FAM13A: variants seen among roughly 807,000 people sequenced by gnomAD.
FAM13A encodes family with sequence similarity 13 member A.
FAM13A carries 76 observed loss-of-function variants against 129.6 expected under a neutral mutation model. The observed-to-expected ratio is 0.59, with a 90% CI of 0.49 to 0.71. The LOEUF is 0.71. FAM13A is among the 30% of genes least tolerant of loss of function. FAM13A has a pLI of 0.00. For missense variants in FAM13A, 1,108 were observed against 1,249.3 expected (o/e 0.89, Z 1.70); for synonymous variants, 443 against 449.9 (o/e 0.98, Z 0.20).
At chr4:89,008,001 C>T (rs77607497) in intron 3 of FAM13A, among the ~76,000 whole-genome samples, 6 of 33,154 alleles carry the variant, frequency 1.8e-4, no homozygotes, top group African/African-American at 4.1e-4. Flanking sequence ...TCATTTTTTT[C>T]CACAGCATTT....
At chr4:88,886,721 A>G (rs1744479220) in intron 6 of FAM13A, among the ~76,000 whole-genome samples, 1 of 152,160 alleles carries the variant, frequency 6.6e-6, no homozygotes. Context: ...AGCCTGGCCA[A>G]CATGGTGAAA....
chr4:88,953,910 C>A (rs1010589953), intron 4 of FAM13A, among the ~76,000 whole-genome samples: 1 of 152,016 alleles, frequency 6.6e-6, no homozygotes, highest in African/African-American at 2.4e-5. Flanking sequence ...TCTTCTTGTA[C>A]GTATTTTTAA....
chr4:88,891,596 T>A lies in FAM13A; in HGVS notation c.843+14783A>T, dbSNP rs111930578. On this transcript the variant is annotated intron_variant, in intron 6 of 23. Coordinates refer to ENST00000264344, the MANE Select transcript of FAM13A (RefSeq NM_014883.4). ...AACCCATAAGATATTTAAAAATATG[T>A]ATCCAGGCCAGGTTGAGAACTGGTT... Among the ~76,000 whole-genome samples the A allele has an allele frequency of 3.8e-3, 583 of 152,324 alleles. 3 individuals are homozygous for A. The highest frequency in any genetic ancestry group is 0.014 in the African/African-American group (564 of 41,566).
In FAM13A at chr4:88,747,750, C is replaced by T. The variant is rs1279895809; in HGVS notation, c.2263G>A (p.Glu755Lys). The T allele has an allele frequency of 6.2e-7, 1 of 1,614,226 alleles. No individual in the cohort carries two copies. The change falls in exon 18 of 24, where the codon GAG becomes AAG. Residue 755 changes from glutamate (E) to lysine (K), a missense_variant. Physicochemically the swap from Glu to Lys is moderately conservative, Grantham distance 56. Around this residue, in one of 3 missense-constraint regions of FAM13A, gnomAD observed 529 missense variants for 621.2 expected, o/e 0.85. Transcript: ENST00000264344. ...SFGSQLEKEDEKKQELVDKAI... is the reference protein window; with the variant it reads ...SFGSQLEKEDKKKQELVDKAI... ...TTATCCACCAGCTCTTGCTTCTTCT[C>T]ATCTTCTTTCTCAAGTTGGGAACCA...
intron 1 of FAM13A, among the ~76,000 whole-genome samples, chr4:89,034,299 T>C (rs1769078270): frequency 6.6e-6 from 1 of 151,994 alleles, no homozygotes; most frequent in East Asian, 1.9e-4. Context: ...CTAAGACATA[T>C]AAGCAGCCAA....
chr4:88,893,942 G>C (rs1417702221), intron 6 of FAM13A, among the ~76,000 whole-genome samples: 1 of 152,164 alleles, frequency 6.6e-6, no homozygotes, highest in Non-Finnish European at 1.5e-5. Flanking sequence ...ACTGCAAAGG[G>C]GCTGGGAAAC....
intron 7 of FAM13A, among the ~76,000 whole-genome samples, chr4:88,826,864 C>T (rs933235005): frequency 2.6e-4 from 39 of 152,190 alleles, no homozygotes; most frequent in Non-Finnish European, 5.9e-5. Context: ...GTCTCTCCTA[C>T]ATCTTGAATC....
chr4:88,946,000 A>ATGTATGTG (rs1406943750), intron 4 of FAM13A, among the ~76,000 whole-genome samples: 1 of 72,534 alleles, frequency 1.4e-5, no homozygotes, highest in Non-Finnish European at 3.2e-5. Context: ...GTATATATAT[A>ATGTATGTG]TATATATATA....
At chr4:88,757,492 T>C (rs879533444) in intron 14 of FAM13A, among the ~76,000 whole-genome samples, 1 of 152,194 alleles carries the variant, frequency 6.6e-6, no homozygotes, top group African/African-American at 2.4e-5. Context: ...AAAACTAACA[T>C]GATTATTTCA....
chr4:89,037,729 G>A (rs1448085805), intron 1 of FAM13A, among the ~76,000 whole-genome samples: 1 of 152,178 alleles, frequency 6.6e-6, no homozygotes, highest in Non-Finnish European at 1.5e-5. Flanking sequence ...GGCCTGGTGG[G>A]AGGTAATTAG....
chr4:88,992,830 C>T (rs888194957), intron 3 of FAM13A, among the ~76,000 whole-genome samples: 14 of 152,100 alleles, frequency 9.2e-5, no homozygotes, highest in Non-Finnish European at 1.6e-4. Flanking sequence ...CAATCCATTA[C>T]TTTAACAGAC....
intron 10 of FAM13A, among the ~76,000 whole-genome samples, chr4:88,785,605 G>A (rs1723805267): frequency 1.3e-5 from 2 of 152,132 alleles, no homozygotes; most frequent in South Asian, 4.2e-4. Context: ...CAAGCGGAAT[G>A]AGAGCACTGG....
intron 8 of FAM13A, among the ~76,000 whole-genome samples, chr4:88,800,608 C>T (rs990995604): frequency 6.6e-6 from 1 of 150,454 alleles, no homozygotes; most frequent in Non-Finnish European, 1.5e-5. Context: ...TCACTTGAAC[C>T]TGGGAGGTGG....
intron 21 of FAM13A, chr4:88,732,468 T>C (rs1738042506): frequency 3.5e-6 from 1 of 284,230 alleles, no homozygotes; most frequent in East Asian, 6.1e-5. Context: ...TTAATAGTTG[T>C]CAGGTTGGGG....
chr4:88,790,985 T>G (rs913870868), intron 8 of FAM13A, among the ~76,000 whole-genome samples: 1 of 152,104 alleles, frequency 6.6e-6, no homozygotes, highest in Non-Finnish European at 1.5e-5. Flanking sequence ...TCCTGCCACC[T>G]ACTTCACCTA....
At chr4:88,790,826 T>G (rs1724983166) in intron 8 of FAM13A, among the ~76,000 whole-genome samples, 199 bp from the exon 9 acceptor site, 1 of 152,272 alleles carries the variant, frequency 6.6e-6, no homozygotes, top group East Asian at 1.9e-4. Flanking sequence ...CTTATAACAG[T>G]GGCTTTTTCT....
chr4:89,055,657 T>C (rs986464741), intron 1 of FAM13A, among the ~76,000 whole-genome samples: 2 of 151,968 alleles, frequency 1.3e-5, no homozygotes, highest in African/African-American at 4.8e-5. Context: ...GCTAGAAAAA[T>C]AGAAGGGCCA....
chr4:88,913,018 A>C (rs1183189797), intron 5 of FAM13A, among the ~76,000 whole-genome samples: 1 of 141,210 alleles, frequency 7.1e-6, no homozygotes, highest in African/African-American at 2.6e-5. Context: ...GAGGAGGAGG[A>C]GGAGGAAGAA....
chr4:88,840,986 C>G (rs1252785996), intron 7 of FAM13A, among the ~76,000 whole-genome samples: 2 of 151,016 alleles, frequency 1.3e-5, no homozygotes, highest in African/African-American at 4.9e-5. Context: ...AAAACTAACT[C>G]AAAATGGATC....
Sources: gnomAD v4.1 joint callset for allele counts (sites outside exome capture counted in the v4.1 genomes callset) on GRCh38, gnomAD v4.1.1 for gene constraint, gnomAD v4.1.1 regional missense constraint, MANE v1.5 for transcripts, NCBI Gene and HGNC (gene_info 2026-07-23, HGNC 2026-07-21) for gene names.